ZFPM2: variants seen among roughly 807,000 people sequenced by gnomAD.
The protein encoded by ZFPM2 is zinc finger protein ZFPM2.
Under a neutral mutation model 98.6 loss-of-function variants are expected in ZFPM2, and 20 were observed. That is an observed-to-expected ratio of 0.20 (90% confidence interval 0.14 to 0.29). The LOEUF is 0.29. ZFPM2 is among the 10% of genes least tolerant of loss of function. The probability of loss-of-function intolerance (pLI) is 1.00; values close to 1 mark genes in which losing one functional copy is unlikely to be tolerated. For synonymous variants in ZFPM2, 518 were observed against 502.7 expected, an observed-to-expected ratio of 1.03 and a Z score of -0.41; for missense variants, 1,310 against 1,388.6, an observed-to-expected ratio of 0.94 and a Z score of 0.90.
At chr8:105,646,314 A>G (rs1169381765) in intron 5 of ZFPM2, among the ~76,000 whole-genome samples, 1 of 152,142 alleles carries the variant, frequency 6.6e-6, no homozygotes, top group African/African-American at 2.4e-5. Flanking sequence ...TTGTTTTGTC[A>G]AAACTGCAAA....
chr8:105,611,188 A>G (rs1016532078), intron 4 of ZFPM2, among the ~76,000 whole-genome samples: 3 of 152,162 alleles, frequency 2.0e-5, no homozygotes, highest in East Asian at 3.8e-4. Context: ...GCAGTGATCA[A>G]ATATTTAGCC....
chr8:105,587,634 AT>A (rs112214498), intron 4 of ZFPM2, among the ~76,000 whole-genome samples: 2 of 151,894 alleles, frequency 1.3e-5, no homozygotes, highest in Non-Finnish European at 2.9e-5. Flanking sequence ...TGAAGAGCAC[AT>A]TTTTTTTGCA....
At chr8:105,586,621 C>T (rs1017356391) in intron 4 of ZFPM2, among the ~76,000 whole-genome samples, 2 of 151,522 alleles carry the variant, frequency 1.3e-5, no homozygotes, top group African/African-American at 2.4e-5. Flanking sequence ...TGGGGTTTCA[C>T]CATATTGGCC....
At chr8:105,681,577 C>T (rs1810602299) in intron 5 of ZFPM2, among the ~76,000 whole-genome samples, 1 of 152,072 alleles carries the variant, frequency 6.6e-6, no homozygotes, top group Admixed American at 6.6e-5. Context: ...TAATGTTCAT[C>T]TGAGTGTTGG....
At chr8:105,597,482 T>C (rs1433389066) in intron 4 of ZFPM2, among the ~76,000 whole-genome samples, 1 of 152,168 alleles carries the variant, frequency 6.6e-6, no homozygotes, top group Admixed American at 6.6e-5. Flanking sequence ...GAACATGCCA[T>C]GTACCTTTCA....
intron 3 of ZFPM2, among the ~76,000 whole-genome samples, chr8:105,525,209 C>T (rs775600693): frequency 3.9e-5 from 6 of 152,176 alleles, no homozygotes; most frequent in Non-Finnish European, 7.4e-5. Context: ...TTTGGGAGCA[C>T]ATCTACTACT....
At chr8:105,784,364 T>A (rs1321772539) in intron 5 of ZFPM2, among the ~76,000 whole-genome samples, 2 of 128,496 alleles carry the variant, frequency 1.6e-5, no homozygotes, top group African/African-American at 5.0e-5. Flanking sequence ...AAATGCAACC[T>A]TATTCTTCTT....
At chr8:105,342,839 G>A (rs952812635) in intron 1 of ZFPM2, among the ~76,000 whole-genome samples, 1 of 151,898 alleles carries the variant, frequency 6.6e-6, no homozygotes, top group Admixed American at 6.6e-5. Flanking sequence ...AGCAACATAT[G>A]ACATAATAGA....
At chr8:105,382,594 G>A (rs564735385) in intron 1 of ZFPM2, among the ~76,000 whole-genome samples, 7 of 152,206 alleles carry the variant, frequency 4.6e-5, no homozygotes, top group African/African-American at 1.7e-4. Flanking sequence ...ACTTCAAAAT[G>A]TGAAATGGAA....
intron 2 of ZFPM2, among the ~76,000 whole-genome samples, chr8:105,440,449 T>C (rs1217943861): frequency 2.6e-5 from 4 of 152,142 alleles, no homozygotes; most frequent in Non-Finnish European, 4.4e-5. Context: ...ACATGGTGAC[T>C]GGCCCCAAAT....
intron 1 of ZFPM2, among the ~76,000 whole-genome samples, chr8:105,347,929 G>A (rs1812569570): frequency 1.3e-5 from 2 of 152,114 alleles, no homozygotes; most frequent in African/African-American, 2.4e-5. Flanking sequence ...AGGCTTTAAA[G>A]GTTGTGTTGA....
intron 1 of ZFPM2, among the ~76,000 whole-genome samples, chr8:105,391,117 A>T (rs1018098462): frequency 2.0e-5 from 3 of 152,190 alleles, no homozygotes; most frequent in African/African-American, 4.8e-5. Flanking sequence ...TGCATTTTAT[A>T]CAAATTGAAG....
chr8:105,405,394 AG>A (rs1358316292), intron 1 of ZFPM2, among the ~76,000 whole-genome samples: 12 of 151,488 alleles, frequency 7.9e-5, no homozygotes, highest in African/African-American at 1.7e-4. Context: ...CTCGTCATTT[AG>A]CATTAGATGT....
intron 4 of ZFPM2, among the ~76,000 whole-genome samples, chr8:105,579,638 G>C (rs1815543293): frequency 6.6e-6 from 1 of 152,148 alleles, no homozygotes; most frequent in African/African-American, 2.4e-5. Context: ...TATCGTGGGT[G>C]TGTGTTACAA....
At chr8:105,770,177 C>T (rs773171696) in intron 5 of ZFPM2, among the ~76,000 whole-genome samples, 1 of 151,994 alleles carries the variant, frequency 6.6e-6, no homozygotes, top group East Asian at 1.9e-4. Flanking sequence ...GAGATTTGCA[C>T]AATTCTAACA....
At chr8:105,548,829 G>A (rs1814774704) in intron 3 of ZFPM2, among the ~76,000 whole-genome samples, 1 of 152,004 alleles carries the variant, frequency 6.6e-6, no homozygotes, top group Admixed American at 6.6e-5. Context: ...ATTAGAGTAA[G>A]TCACATAAGG....
chr8:105,369,349 A>G (rs755707183), intron 1 of ZFPM2, among the ~76,000 whole-genome samples: 7 of 152,202 alleles, frequency 4.6e-5, no homozygotes, highest in Non-Finnish European at 1.0e-4. Context: ...TTGATGGGGT[A>G]TCATGCAGAA....
chr8:105,685,712 A>G (rs1449077891), intron 5 of ZFPM2: 2 of 152,144 alleles, frequency 1.3e-5, no homozygotes, highest in Non-Finnish European at 2.9e-5. Flanking sequence ...AAGTTGATAT[A>G]GAGTGTAACT....
At chr8:105,666,314 G>A (rs930343850) in intron 5 of ZFPM2, among the ~76,000 whole-genome samples, 7 of 152,156 alleles carry the variant, frequency 4.6e-5, no homozygotes, top group African/African-American at 1.4e-4. Flanking sequence ...GGGCCAAATA[G>A]CAATTCAGTG....
Sources: gnomAD v4.1 joint callset for allele counts (sites outside exome capture counted in the v4.1 genomes callset) on GRCh38, gnomAD v4.1.1 for gene constraint, MANE v1.5 for transcripts, NCBI Gene and HGNC (gene_info 2026-07-23, HGNC 2026-07-21) for gene names.